CMYA5: variants seen among roughly 807,000 people sequenced by gnomAD.
CMYA5 encodes the protein cardiomyopathy associated 5.
CMYA5 carries 246 observed loss-of-function variants against 318.9 expected under a neutral mutation model. The ratio of observed to expected loss-of-function variants is 0.77; its 90% CI spans 0.70 to 0.86. The LOEUF is 0.86. CMYA5 is among the 40% of genes least tolerant of loss of function. The pLI is 0.00. For synonymous variants in CMYA5, 1,641 were observed against 1,729.5 expected (o/e 0.95, Z 1.27); for missense variants, 4,589 against 4,678.2 (o/e 0.98, Z 0.56).
intron 1 of CMYA5, among the ~76,000 whole-genome samples, chr5:79,693,908 G>T (rs1827019352): frequency 2.0e-5 from 3 of 152,170 alleles, no homozygotes. Context: ...AGGATAAATG[G>T]GTGGGGTATA....
In CMYA5 at chr5:79,761,910, A is replaced by G; in HGVS notation, c.11360A>G (p.Asn3787Ser). 1 of 1,613,776 alleles carries G rather than the reference A, an allele frequency of 6.2e-7. No homozygotes were observed. Among genetic ancestry groups the G allele is most frequent in the Non-Finnish European group, 8.5e-7 (1 of 1,179,802 alleles). Reference protein sequence around the residue: ...RCYQVWVMAVNFTGCSLPSER... With the variant: ...RCYQVWVMAVSFTGCSLPSER... The stretch of plus-strand genomic sequence containing the variant: ...TATCAAGTGTGGGTGATGGCTGTGA[A>G]CTTCACTGGATGTAGCCTGCCCAGT... Residue 3787 changes from asparagine (N) to serine (S), a missense_variant, in exon 8 of 13, where the codon AAC (asparagine) becomes AGC (serine). Asn to Ser is a conservative substitution (Grantham distance 46). Around this residue, in one of 3 missense-constraint regions of CMYA5, gnomAD observed 2,431 missense variants for 2,495.1 expected, o/e 0.97. Coordinates refer to ENST00000446378, the MANE Select transcript of CMYA5 (RefSeq NM_153610.5).
At position 79,729,320 on chromosome 5, in the gene CMYA5, T is replaced by C. The variant is rs1297992675; in HGVS notation, c.555T>C (p.Tyr185=). 3 of 1,612,268 alleles carry C rather than the reference T, an allele frequency of 1.9e-6. No homozygotes were observed. Among genetic ancestry groups the C allele is most frequent in the Non-Finnish European group, 2.5e-6 (3 of 1,179,514 alleles). ...TAACCACGGAGAAAGAGAAGTCATA[T>C]ACTGGCATTTATGATAAAGCAAGAA... ...QVLTTEKEKS[Y]TGIYDKARKK... Residue 185 remains tyrosine, a synonymous_variant, in exon 2 of 13, where the codon TAT becomes TAC. Coordinates refer to ENST00000446378, the MANE Select transcript of CMYA5 (RefSeq NM_153610.5).
chr5:79,789,671 C>T (rs563683536), intron 10 of CMYA5, among the ~76,000 whole-genome samples: 24 of 152,040 alleles, frequency 1.6e-4, no homozygotes, highest in Non-Finnish European at 2.2e-4. Context: ...GTGATCTGCC[C>T]GCCTCAGCCT....
chr5:79,738,657 C>T lies in CMYA5; in HGVS notation c.9892C>T (p.Gln3298Ter), dbSNP rs777368065. Reference sequence around the variant, plus strand: ...TTGCAGGGAGAAGAGTCTGGAAGAACAGAAAGGTGTTTATGGGGAAGGAGA... The same window carrying T: ...TTGCAGGGAGAAGAGTCTGGAAGAATAGAAAGGTGTTTATGGGGAAGGAGA... Reference protein sequence around the residue: ...TICREKSLEEQKGVYGEGESV... With the variant: ...TICREKSLEE Residue 3298 changes from glutamine (Q) to a stop codon, truncating the protein, a stop_gained, in exon 2 of 13, where the codon CAG becomes TAG. Coordinates refer to ENST00000446378, the MANE Select transcript of CMYA5 (RefSeq NM_153610.5). LOFTEE classifies it high-confidence loss of function. 21 of 1,613,854 alleles carry T rather than the reference C, an allele frequency of 1.3e-5. No homozygotes were observed. In the South Asian group the frequency reaches 2.3e-4, roughly 18 times the overall value.
At chr5:79,701,076 C>A (rs150216111) in intron 1 of CMYA5, among the ~76,000 whole-genome samples, 1,685 of 107,176 alleles carry the variant, frequency 0.016, 12 homozygotes, top group Non-Finnish European at 0.025. Flanking sequence ...GAAACCCCAT[C>A]TCTACTAAAA....
chr5:79,797,595 A>T (rs1235508925), intron 12 of CMYA5, among the ~76,000 whole-genome samples: 1 of 151,898 alleles, frequency 6.6e-6, no homozygotes, highest in East Asian at 1.9e-4. Context: ...TTCCTATCTC[A>T]TTGTCAAGGA....
chr5:79,785,084 G>A (rs1449514446), intron 9 of CMYA5, among the ~76,000 whole-genome samples: 1 of 149,492 alleles, frequency 6.7e-6, no homozygotes, highest in African/African-American at 2.5e-5. Context: ...TTTCCCTTCT[G>A]ATCTGAAATA....
intron 11 of CMYA5, 80 bp downstream of exon 11, chr5:79,791,149 G>A (rs376685906): frequency 6.0e-5 from 52 of 871,136 alleles, no homozygotes; most frequent in African/African-American, 4.0e-4. Flanking sequence ...GGTGGCCTCC[G>A]CTGAGCATAT....
Position 79,799,873 on chromosome 5 carries a change from A to ACTGCGACCACCG in CMYA5, c.*257_*258insCTGCGACCACCG. Reference sequence around the variant, plus strand: ...AAGTTTGAGTTCTTTCCTAAATTAAAAGATCTACACTTGAGTTGGGAACCG... The same window carrying ACTGCGACCACCG: ...AAGTTTGAGTTCTTTCCTAAATTAAACTGCGACCACCGAGATCTACACTTGAGTTGGGAACCG... On this transcript the variant is annotated 3_prime_UTR_variant, in exon 13 of 13. Coordinates refer to ENST00000446378, the MANE Select transcript of CMYA5 (RefSeq NM_153610.5). The ACTGCGACCACCG allele has an allele frequency of 7.0e-6, 1 of 142,348 alleles. No individual in the cohort carries two copies. The highest frequency in any genetic ancestry group is 1.4e-5 in the Non-Finnish European group (1 of 72,556). The allele number at this position is 142,348 out of a possible 1,614,324, so 8.8% of individuals were successfully genotyped here.
At chr5:79,693,901 A>G (rs983983301) in intron 1 of CMYA5, among the ~76,000 whole-genome samples, 4 of 152,198 alleles carry the variant, frequency 2.6e-5, no homozygotes, top group Non-Finnish European at 4.4e-5. Context: ...ATATAGCAGG[A>G]TAAATGGGTG....
chr5:79,747,977 T>A (rs1828359432), intron 5 of CMYA5, among the ~76,000 whole-genome samples: 1 of 152,180 alleles, frequency 6.6e-6, no homozygotes, highest in African/African-American at 2.4e-5. Flanking sequence ...AGGATTTAGA[T>A]TAGAAATATG....
chr5:79,794,442 T>G (rs573843547), intron 12 of CMYA5, among the ~76,000 whole-genome samples: 1 of 152,296 alleles, frequency 6.6e-6, no homozygotes, highest in African/African-American at 2.4e-5. Context: ...ATGCTCACAG[T>G]ATGGTTTAAT....
rs573465369 is a variant in CMYA5 at position 79,717,767 on chromosome 5, A to G, written c.150-11148A>G. Among the ~76,000 whole-genome samples, 25 of 152,328 alleles carry G rather than the reference A, an allele frequency of 1.6e-4. No homozygotes were observed. The South Asian group carries it at 5.0e-3, about 30-fold the overall frequency. On this transcript the variant is annotated intron_variant, in intron 1 of 12. Transcript: ENST00000446378. ...GTTGAATGGCCTTTAGTATATCTAC[A>G]AAATGAACACTTTCTATTACGGCAT...
Position 79,734,142 on chromosome 5 carries a change from G to T in CMYA5, c.5377G>T (p.Glu1793Ter). 1 of 1,613,762 alleles carries T rather than the reference G, an allele frequency of 6.2e-7. No homozygotes were observed. The change falls in exon 2 of 13, where the codon GAA (glutamate) becomes TAA (stop). Residue 1793 changes from glutamate to a stop codon, truncating the protein, a stop_gained. Transcript: ENST00000446378. LOFTEE classifies it high-confidence loss of function. Reference sequence around the variant, plus strand: ...AGATATTTTAGATAAGCTAAGTGAAGAAACAGGCCACCCAAATTCATCCCA... The same window carrying T: ...AGATATTTTAGATAAGCTAAGTGAATAAACAGGCCACCCAAATTCATCCCA... The part of the protein sequence containing the change: ...MGDILDKLSE[E>*]TGHPNSSQVL...
chr5:79,704,361 C>A lies in CMYA5; in HGVS notation c.149+14305C>A, dbSNP rs547722280. The stretch of plus-strand genomic sequence containing the variant: ...ATCACACTCAAGTGTGTTTCTGAAA[C>A]CTTAAAACAGTTCACCCAAAGTAGA... On this transcript the variant is annotated intron_variant, in intron 1 of 12. Coordinates refer to ENST00000446378, the MANE Select transcript of CMYA5 (RefSeq NM_153610.5). Among the ~76,000 whole-genome samples, 20 of 152,066 alleles carry A rather than the reference C, an allele frequency of 1.3e-4. No homozygotes were observed. In the South Asian group the frequency reaches 3.1e-3, roughly 24 times the overall value.
At chr5:79,728,063 C>A (rs919585892) in intron 1 of CMYA5, among the ~76,000 whole-genome samples, 1 of 152,214 alleles carries the variant, frequency 6.6e-6, no homozygotes, top group South Asian at 2.1e-4. Context: ...ATCTTCTCAA[C>A]AAGCTCACGA....
In CMYA5 at chr5:79,743,882, C is replaced by A; in HGVS notation, c.10694C>A (p.Ala3565Asp). ...CAAGAAAAGTCCTTGAGGATTGAAG[C>A]CTTTGTTAGTGAGATAGAATCCTTT... ...NLQEKSLRIEAFVSEIESFFN... is the reference protein window; with the variant it reads ...NLQEKSLRIEDFVSEIESFFN... Residue 3565 changes from alanine to aspartate, a missense_variant, in exon 3 of 13, where the codon GCC (alanine) becomes GAC (aspartate). Ala to Asp is a moderately radical substitution (Grantham distance 126, BLOSUM62 -2). This residue lies in a region of CMYA5 where 2,431 missense variants were observed against 2,495.1 expected (regional missense o/e 0.97). Transcript: ENST00000446378. 6.5e-7 allele frequency: 1 copy of A among 1,547,754 alleles called. No homozygotes were observed. The highest frequency in any genetic ancestry group is 8.7e-7 in the Non-Finnish European group (1 of 1,144,558).
At chr5:79,768,202 A>G (rs1828789562) in intron 9 of CMYA5, among the ~76,000 whole-genome samples, 1 of 152,014 alleles carries the variant, frequency 6.6e-6, no homozygotes, top group South Asian at 2.1e-4. Flanking sequence ...GTCTTTGCAC[A>G]TGAGATGGTC....
In CMYA5 at chr5:79,718,078, G is replaced by A. The variant is rs1433779220; in HGVS notation, c.150-10837G>A. On this transcript the variant is annotated intron_variant, in intron 1 of 12. Transcript: ENST00000446378. ...TATTTTTTGTAGTTTTAGTAGAGAC[G>A]GGGTTTCACCGTTTTAGCCGGGATG... Among the ~76,000 whole-genome samples, 7 of 70,734 alleles carry A rather than the reference G, an allele frequency of 9.9e-5. 2 individuals are homozygous for A. Among genetic ancestry groups the A allele is most frequent in the African/African-American group, 2.6e-4 (3 of 11,686 alleles). The allele number at this position is 70,734 out of a possible 152,430, so 46.4% of individuals were successfully genotyped here. A position where few individuals can be genotyped will look rare whatever the true frequency, so the allele number is the denominator to read the frequency against.
Sources: gnomAD v4.1 joint callset for allele counts (sites outside exome capture counted in the v4.1 genomes callset) on GRCh38, gnomAD v4.1.1 for gene constraint, gnomAD v4.1.1 regional missense constraint, MANE v1.5 for transcripts, NCBI Gene and HGNC (gene_info 2026-07-23, HGNC 2026-07-21) for gene names.